DGCR2: variants seen among roughly 807,000 people sequenced by gnomAD.
The protein encoded by DGCR2 is DiGeorge syndrome critical region gene 2.
Under a neutral mutation model 51.6 loss-of-function variants are expected in DGCR2, and 24 were observed. The observed-to-expected ratio is 0.47, with a 90% CI of 0.34 to 0.65. DGCR2 has a LOEUF of 0.65. Ranked by LOEUF, DGCR2 falls within the 30% of genes least tolerant of loss-of-function variation. The pLI is 0.01. For missense variants in DGCR2, 765 were observed against 772.1 expected, an observed-to-expected ratio of 0.99 and a Z score of 0.11; for synonymous variants, 340 against 315.4, an observed-to-expected ratio of 1.08 and a Z score of -0.82.
At chr22:19,061,554 C>G (rs1432835835) in intron 5 of DGCR2, 2 of 152,220 alleles carry the variant, frequency 1.3e-5, no homozygotes, top group Admixed American at 6.5e-5. Context: ...AGCCTCCCAA[C>G]CTAGGACACC....
At chr22:19,115,309 C>A (rs115537459) in intron 1 of DGCR2, among the ~76,000 whole-genome samples, 1 of 152,330 alleles carries the variant, frequency 6.6e-6, no homozygotes, top group African/African-American at 2.4e-5. Flanking sequence ...CCCCTCAACC[C>A]TCCACCCCAG....
intron 3 of DGCR2, 153 bp downstream of exon 3, chr22:19,067,947 G>A: frequency 2.8e-6 from 3 of 1,089,494 alleles, no homozygotes; most frequent in Admixed American, 3.6e-5. Flanking sequence ...GGTGACTGCG[G>A]GTGGGTCATC....
intron 1 of DGCR2, among the ~76,000 whole-genome samples, chr22:19,121,166 C>T (rs1418101427): frequency 6.6e-6 from 1 of 152,224 alleles, no homozygotes; most frequent in East Asian, 1.9e-4. Context: ...GGCACTTCTG[C>T]CTTCATGGGA....
At chr22:19,081,874 T>C (rs989485658) in intron 2 of DGCR2, among the ~76,000 whole-genome samples, 2 of 152,220 alleles carry the variant, frequency 1.3e-5, no homozygotes, top group Non-Finnish European at 2.9e-5. Flanking sequence ...AGTCTTAGAA[T>C]ACTAACGAGG....
At chr22:19,104,996 T>C (rs1301853486) in intron 1 of DGCR2, among the ~76,000 whole-genome samples, 1 of 152,170 alleles carries the variant, frequency 6.6e-6, no homozygotes. Context: ...GGTTCTGCCC[T>C]GGGCCAGCCA....
chr22:19,112,197 C>T (rs1394973033), intron 1 of DGCR2, among the ~76,000 whole-genome samples: 2 of 149,474 alleles, frequency 1.3e-5, no homozygotes, highest in Non-Finnish European at 3.0e-5. Flanking sequence ...CGCTTGAACC[C>T]GGGAGGCAGA....
chr22:19,113,890 C>T (rs11705687), intron 1 of DGCR2, among the ~76,000 whole-genome samples: 1 of 151,982 alleles, frequency 6.6e-6, no homozygotes, highest in Non-Finnish European at 1.5e-5. Context: ...AAAATCCCAT[C>T]TCTACTAAAA....
At chr22:19,041,430 G>A (rs976389111) in intron 8 of DGCR2, 136 bp from the exon 9 acceptor site, 109 of 793,324 alleles carry the variant, frequency 1.4e-4, no homozygotes, top group Non-Finnish European at 2.0e-4. Context: ...CCTACCCCTC[G>A]GCCACATTCG....
At chr22:19,103,046 T>A (rs2146036882) in intron 1 of DGCR2, among the ~76,000 whole-genome samples, 1 of 152,254 alleles carries the variant, frequency 6.6e-6, no homozygotes, top group Admixed American at 6.5e-5. Flanking sequence ...ATGTTACATA[T>A]ATCTTACCAC....
rs1455317304 is a variant in DGCR2 at position 19,063,902 on chromosome 22, G to A, written c.549-624C>T. 3.3e-5 allele frequency among the ~76,000 whole-genome samples: 5 copies of A among 152,274 alleles called. No individual in the cohort carries two copies. The East Asian group carries it at 9.6e-4, about 29-fold the overall frequency. The stretch of plus-strand genomic sequence containing the variant: ...GCACTCCACAGGGGAGATTTTCATG[G>A]CATGTGAACTGCATCTCAATAAAGA... On this transcript the variant is annotated intron_variant, in intron 4 of 9. Coordinates refer to ENST00000263196, the MANE Select transcript of DGCR2 (RefSeq NM_005137.3).
In DGCR2 at chr22:19,117,705, C is replaced by A. The variant is rs145692051; in HGVS notation, c.79+4423G>T. Reference sequence around the variant, plus strand: ...CCTCAGCAAAGGATATGCAGGTGTTCTCTGCACTCACTTTACTCTTGCAAC... The same window carrying A: ...CCTCAGCAAAGGATATGCAGGTGTTATCTGCACTCACTTTACTCTTGCAAC... On this transcript the variant is annotated intron_variant, in intron 1 of 9. Transcript: ENST00000263196. 9.7e-3 allele frequency among the ~76,000 whole-genome samples: 1,480 copies of A among 152,264 alleles called. 14 individuals carry two copies. The highest frequency in any genetic ancestry group is 0.041 in the Middle Eastern group (12 of 294).
intron 1 of DGCR2, among the ~76,000 whole-genome samples, chr22:19,092,175 G>C (rs1045776591): frequency 1.3e-5 from 2 of 151,778 alleles, no homozygotes; most frequent in African/African-American, 4.8e-5. Context: ...GCGAAACCCT[G>C]TCTACTAAAA....
Position 19,038,981 on chromosome 22 carries a change from T to C in DGCR2, c.1537A>G (p.Ser513Gly). ...SLADLEDSAD[S>G]SSALLVPPDP... ...GGGGGCACGAGCAGGGCGCTGCTGCTGTCGGCAGAGTCTTCCAGGTCTGCC... is the reference window on the plus strand; with the variant it reads ...GGGGGCACGAGCAGGGCGCTGCTGCCGTCGGCAGAGTCTTCCAGGTCTGCC... Residue 513 changes from serine (S) to glycine (G), a missense_variant, in exon 10 of 10, where the codon AGC becomes GGC. Ser to Gly is a moderately conservative substitution (Grantham distance 56). Transcript: ENST00000263196. 1 of 1,611,948 alleles carries C rather than the reference T, an allele frequency of 6.2e-7. No homozygotes were observed. The highest frequency in any genetic ancestry group is 8.5e-7 in the Non-Finnish European group (1 of 1,179,420).
At chr22:19,067,251 G>A (rs368912843) in intron 3 of DGCR2, among the ~76,000 whole-genome samples, 3 of 152,198 alleles carry the variant, frequency 2.0e-5, no homozygotes, top group South Asian at 4.1e-4. Context: ...GCTGCTCAGC[G>A]TACTTGGGTA....
Position 19,047,987 on chromosome 22 carries a change from T to G in DGCR2, c.1006+453A>C, listed in dbSNP as rs2082508378. The stretch of plus-strand genomic sequence containing the variant: ...TGGGTGGATCACTCGAGGCCAGGAG[T>G]TGAAGACCTGGTCTGGACAACATGG... On this transcript the variant is annotated intron_variant, in intron 7 of 9. Coordinates refer to ENST00000263196, the MANE Select transcript of DGCR2 (RefSeq NM_005137.3). The G allele has an allele frequency of 2.1e-5, 4 of 194,892 alleles. No homozygotes were observed. In the South Asian group the frequency reaches 3.6e-4, roughly 18 times the overall value. 12.1% of individuals were successfully genotyped at this position (194,892 alleles called of 1,614,324 possible).
rs2082396668 is a variant in DGCR2 at position 19,038,667 on chromosome 22, A to C, written c.*198T>G. On this transcript the variant is annotated 3_prime_UTR_variant, in exon 10 of 10. Transcript: ENST00000263196. The stretch of plus-strand genomic sequence containing the variant: ...AGCTATGCATGTTTCTGAAGCCCTC[A>C]AGGAAGCTCGGTGCAGGCCATCACT... 2 of 666,990 alleles carry C rather than the reference A, an allele frequency of 3.0e-6. No homozygotes were observed. The highest frequency in any genetic ancestry group is 1.8e-5 in the African/African-American group (1 of 54,672). 41.3% of individuals were successfully genotyped at this position (666,990 alleles called of 1,614,324 possible).
intron 1 of DGCR2, among the ~76,000 whole-genome samples, chr22:19,093,721 G>A (rs1452504599): frequency 6.6e-6 from 1 of 152,196 alleles, no homozygotes; most frequent in African/African-American, 2.4e-5. Context: ...CATGGGCCAA[G>A]TGCAATGGCT....
intron 6 of DGCR2, among the ~76,000 whole-genome samples, chr22:19,051,319 G>T (rs2082546616): frequency 6.6e-6 from 1 of 151,314 alleles, no homozygotes; most frequent in Non-Finnish European, 1.5e-5. Flanking sequence ...CAAAACTTTT[G>T]TTCCTGAAAG....
chr22:19,099,970 TA>T (rs66745825), intron 1 of DGCR2, among the ~76,000 whole-genome samples: 63 of 140,692 alleles, frequency 4.5e-4, no homozygotes, highest in Non-Finnish European at 4.6e-4. Flanking sequence ...ATTCTGTCTT[TA>T]AAAAAAAAAA....
Sources: gnomAD v4.1 joint callset for allele counts (sites outside exome capture counted in the v4.1 genomes callset) on GRCh38, gnomAD v4.1.1 for gene constraint, MANE v1.5 for transcripts, NCBI Gene and HGNC (gene_info 2026-07-23, HGNC 2026-07-21) for gene names.